Variants in SLC43A2 observed in about 807,000 individuals in gnomAD.
SLC43A2 encodes solute carrier family 43 member 2.
A neutral mutation model predicts 63.2 loss-of-function variants in SLC43A2; 38 were observed. That is an observed-to-expected ratio of 0.60 (90% CI 0.46 to 0.79). The LOEUF is 0.79. SLC43A2 is among the 30% of genes least tolerant of loss of function. SLC43A2 has a pLI of 0.00. For missense variants in SLC43A2, 644 were observed against 756.2 expected (o/e 0.85, Z 1.74); for synonymous variants, 322 against 331.0 (o/e 0.97, Z 0.30).
At chr17:1,604,721 A>T in intron 5 of SLC43A2, 1 of 1,535,594 alleles carries the variant, frequency 6.5e-7, no homozygotes, top group African/African-American at 1.4e-5. Context: ...TTTTAGACCC[A>T]TCTGCCCCCT....
chr17:1,573,059 C>T lies in SLC43A2; in HGVS notation c.*2545G>A, dbSNP rs1598424731. The T allele has an allele frequency of 6.6e-6, 1 of 151,504 alleles. No individual in the cohort carries two copies. The highest frequency in any genetic ancestry group is 1.9e-4 in the East Asian group (1 of 5,178). The allele number at this position is 151,504 out of a possible 1,614,324, so 9.4% of individuals were successfully genotyped here. ...GGCATGGTGGCACACACTTATAGTCCCAGATACTTAGGAGGCCGAGGTGGG... is the reference window on the plus strand; with the variant it reads ...GGCATGGTGGCACACACTTATAGTCTCAGATACTTAGGAGGCCGAGGTGGG... On this transcript the variant is annotated 3_prime_UTR_variant, in exon 14 of 14. Transcript: ENST00000301335.
At chr17:1,624,607 C>T (rs1908489255) in intron 2 of SLC43A2, among the ~76,000 whole-genome samples, 1 of 151,096 alleles carries the variant, frequency 6.6e-6, no homozygotes. Context: ...AAACAAAAAA[C>T]TAACTGGGTT....
At chr17:1,600,152 A>ATATATATATATATTTTTTT (rs1216616243) in intron 5 of SLC43A2, among the ~76,000 whole-genome samples, 8 of 60,278 alleles carry the variant, frequency 1.3e-4, no homozygotes, top group African/African-American at 4.3e-4. Context: ...ATATATATAT[A>ATATATATATATATTTTTTT]TTTTTTTTTT....
At chr17:1,620,646 A>G (rs982131347) in intron 2 of SLC43A2, among the ~76,000 whole-genome samples, 1 of 151,890 alleles carries the variant, frequency 6.6e-6, no homozygotes, top group African/African-American at 2.4e-5. Flanking sequence ...GGGGCCGGGG[A>G]GGTGAGCGGC....
At chr17:1,608,793 G>T (rs73282988) in intron 5 of SLC43A2, among the ~76,000 whole-genome samples, 59 of 152,192 alleles carry the variant, frequency 3.9e-4, no homozygotes, top group African/African-American at 1.4e-3. Context: ...ACCTACACAC[G>T]CTTTGTTGGC....
rs1397434377 is a variant in SLC43A2, at chr17:1,577,236, C to G, written c.1425-516G>C. On this transcript the variant is annotated intron_variant, in intron 12 of 13. Coordinates refer to ENST00000301335, the MANE Select transcript of SLC43A2 (RefSeq NM_152346.3). This position sits in a 1 kb window ranked among gnomAD's most constrained non-coding sequence, Gnocchi z 4.9. ...CCCAGACTCTGGGGAGGGCCCACCC[C>G]ACTCAGCTGTGCCCAGGGCCTGTGG... Among the ~76,000 whole-genome samples, 1 of 152,176 alleles carries G rather than the reference C, an allele frequency of 6.6e-6. No homozygotes were observed. The highest frequency in any genetic ancestry group is 6.5e-5 in the Admixed American group (1 of 15,280).
rs1288971536 is a variant in SLC43A2 at position 1,583,576 on chromosome 17, C to CAT, written c.1218-242_1218-241dup. On this transcript the variant is annotated intron_variant, in intron 10 of 13. Coordinates refer to ENST00000301335, the MANE Select transcript of SLC43A2 (RefSeq NM_152346.3). The surrounding 1 kb of genome is among the most constrained non-coding windows in gnomAD (Gnocchi z 5.5). ...TCTCGGGTACAAGAAGATGGCCATCCATATGCTGCAGTGCTCTGTGAAGGC... is the reference window on the plus strand; with the variant it reads ...TCTCGGGTACAAGAAGATGGCCATCCATATATGCTGCAGTGCTCTGTGAAGGC... The CAT allele has an allele frequency of 1.8e-6, 1 of 565,774 alleles. No homozygotes were observed. The highest frequency in any genetic ancestry group is 1.9e-5 in the African/African-American group (1 of 53,462). The allele number at this position is 565,774 out of a possible 1,614,324, so 35.0% of individuals were successfully genotyped here. A position where few individuals can be genotyped will look rare whatever the true frequency, so the allele number is the denominator to read the frequency against.
At chr17:1,597,977 T>G (rs969488863) in intron 5 of SLC43A2, among the ~76,000 whole-genome samples, 2 of 152,150 alleles carry the variant, frequency 1.3e-5, no homozygotes, top group African/African-American at 4.8e-5. Flanking sequence ...GTTCCCAAGC[T>G]CACATATTTG....
intron 6 of SLC43A2, 40 bp from the exon 7 acceptor site, chr17:1,591,739 G>GGGGGGGGGGGGGGC: frequency 3.9e-6 from 2 of 512,308 alleles, no homozygotes; most frequent in Non-Finnish European, 7.8e-6. Context: ...GGGGGAGGGG[G>GGGGGGGGGGGGGGC]CAGAGTTAGC....
chr17:1,570,179 C>G lies in SLC43A2; in HGVS notation c.*5425G>C, dbSNP rs1598421288. 1 of 152,208 alleles carries G rather than the reference C, an allele frequency of 6.6e-6. No homozygotes were observed. Among genetic ancestry groups the G allele is most frequent in the South Asian group, 2.1e-4 (1 of 4,834 alleles). 9.4% of individuals were successfully genotyped at this position (152,208 alleles called of 1,614,324 possible). A position where few individuals can be genotyped will look rare whatever the true frequency, so the allele number is the denominator to read the frequency against. ...AAGTGCTGGGATTACAGGCGTGAGC[C>G]ACTGCGCCCGGCCCTAATTTTTGTA... On this transcript the variant is annotated 3_prime_UTR_variant, in exon 14 of 14. Coordinates refer to ENST00000301335, the MANE Select transcript of SLC43A2 (RefSeq NM_152346.3).
At chr17:1,590,740 T>TGGC in intron 9 of SLC43A2, 62 bp downstream of exon 9, 1 of 1,539,848 alleles carries the variant, frequency 6.5e-7, no homozygotes, top group Non-Finnish European at 8.8e-7. Flanking sequence ...TTCTGGCCGG[T>TGGC]GGCCAGTGGG....
intron 2 of SLC43A2, 138 bp downstream of exon 2, chr17:1,627,577 A>G (rs1448537914): frequency 7.3e-6 from 6 of 825,232 alleles, no homozygotes; most frequent in Admixed American, 3.4e-5. Context: ...GGGCTGGGTG[A>G]GGATCAGATG....
chr17:1,616,200 G>A (rs1907647569), intron 3 of SLC43A2, among the ~76,000 whole-genome samples: 1 of 152,076 alleles, frequency 6.6e-6, no homozygotes, highest in Non-Finnish European at 1.5e-5. Flanking sequence ...CTCATCAGAT[G>A]GATACTGTGC....
In SLC43A2 at chr17:1,575,146, A is replaced by G; in HGVS notation, c.*458T>C. On this transcript the variant is annotated 3_prime_UTR_variant, in exon 14 of 14. Transcript: ENST00000301335. Reference sequence around the variant, plus strand: ...TCAGGCAGCCTCAGGCTGGCCGGGGAGGGGGTGGGGGCCAGGCGCGGGCGA... The same window carrying G: ...TCAGGCAGCCTCAGGCTGGCCGGGGGGGGGGTGGGGGCCAGGCGCGGGCGA... 1 of 177,574 alleles carries G rather than the reference A, an allele frequency of 5.6e-6. No individual in the cohort carries two copies. Among genetic ancestry groups the G allele is most frequent in the South Asian group, 1.0e-4 (1 of 10,032 alleles). The allele number at this position is 177,574 out of a possible 1,614,324, so 11.0% of individuals were successfully genotyped here.
chr17:1,588,596 C>T (rs1246714550), intron 9 of SLC43A2, among the ~76,000 whole-genome samples: 1 of 149,410 alleles, frequency 6.7e-6, no homozygotes, highest in African/African-American at 2.5e-5. Context: ...ACTTAGGAGG[C>T]CGAGGTGGGA....
At chr17:1,602,080 C>T (rs752050522) in intron 5 of SLC43A2, among the ~76,000 whole-genome samples, 3 of 152,218 alleles carry the variant, frequency 2.0e-5, no homozygotes, top group Non-Finnish European at 4.4e-5. Context: ...ACTGTGACTA[C>T]CCCAGGTGTG....
intron 9 of SLC43A2, among the ~76,000 whole-genome samples, chr17:1,587,666 C>T (rs1304446645): frequency 6.6e-6 from 1 of 151,856 alleles, no homozygotes; most frequent in African/African-American, 2.4e-5. Context: ...ACAAGCTCCT[C>T]CATCACTCCA....
chr17:1,627,821 C>T lies in SLC43A2; in HGVS notation c.54G>A (p.Thr18=), dbSNP rs747546613. Residue 18 remains threonine, a synonymous_variant, in exon 2 of 14, where the codon ACG becomes ACA. Coordinates refer to ENST00000301335, the MANE Select transcript of SLC43A2 (RefSeq NM_152346.3). The part of the protein sequence containing the change: ...AHRRRWWMAC[T]AVLENLLFSA... ...AGAAGAGGAGGTTCTCCAGCACGGCCGTGCAGGCCATCCACCAGCGGCGCC... is the reference window on the plus strand; with the variant it reads ...AGAAGAGGAGGTTCTCCAGCACGGCTGTGCAGGCCATCCACCAGCGGCGCC... The T allele has an allele frequency of 1.1e-5, 18 of 1,592,804 alleles. No homozygotes were observed. In the Admixed American group the frequency reaches 2.8e-4, roughly 25 times the overall value.
intron 9 of SLC43A2, chr17:1,587,049 A>C: frequency 7.3e-7 from 1 of 1,361,288 alleles, no homozygotes; most frequent in Non-Finnish European, 1.0e-6. Context: ...GAGAGGAGGC[A>C]GGCTCACTCC....
Sources: gnomAD v4.1 joint callset for allele counts (sites outside exome capture counted in the v4.1 genomes callset) on GRCh38, gnomAD v4.1.1 for gene constraint, Gnocchi (gnomAD v3.1) non-coding constraint, MANE v1.5 for transcripts, NCBI Gene and HGNC (gene_info 2026-07-23, HGNC 2026-07-21) for gene names.